The following TBC1D5 variants were observed in gnomAD, a reference collection of about 807,000 sequenced individuals.
The protein encoded by TBC1D5 is TBC1 domain family, member 5.
TBC1D5 carries 75 observed loss-of-function variants against 100.3 expected under a neutral mutation model. The observed-to-expected ratio is 0.75, with a 90% CI of 0.62 to 0.91. TBC1D5 has a LOEUF of 0.91. TBC1D5 is among the 40% of genes least tolerant of loss of function. The pLI is 0.00. For missense variants in TBC1D5, 910 were observed against 942.4 expected, an observed-to-expected ratio of 0.97 and a Z score of 0.45; for synonymous variants, 323 against 325.6, an observed-to-expected ratio of 0.99 and a Z score of 0.09.
chr3:17,488,663 T>C (rs2150482932), intron 3 of TBC1D5, among the ~76,000 whole-genome samples: 1 of 152,342 alleles, frequency 6.6e-6, no homozygotes, highest in African/African-American at 2.4e-5. Flanking sequence ...TTTAGGATCT[T>C]AATCCTGCAA....
chr3:17,356,697 GAACAGA>G, intron 13 of TBC1D5, among the ~76,000 whole-genome samples: 1 of 152,148 alleles, frequency 6.6e-6, no homozygotes, highest in Admixed American at 6.6e-5. Context: ...TGACCAACTA[GAACAGA>G]GTGAGCAGCA....
At chr3:17,516,119 A>C (rs957494029) in intron 2 of TBC1D5, among the ~76,000 whole-genome samples, 1 of 152,138 alleles carries the variant, frequency 6.6e-6, no homozygotes, top group Non-Finnish European at 1.5e-5. Context: ...TTTCCTCCTG[A>C]GGAGGCCTTT....
chr3:17,715,750 T>C (rs1468352951), intron 1 of TBC1D5, among the ~76,000 whole-genome samples: 2 of 151,884 alleles, frequency 1.3e-5, no homozygotes, highest in Non-Finnish European at 2.9e-5. Flanking sequence ...TACAGTGAGC[T>C]ATGATGGTAC....
chr3:17,320,239 G>A (rs1455567764), intron 13 of TBC1D5, among the ~76,000 whole-genome samples: 1 of 152,170 alleles, frequency 6.6e-6, no homozygotes, highest in African/African-American at 2.4e-5. Flanking sequence ...GGGGAATTTG[G>A]GAAAACTGTA....
At chr3:17,355,431 T>A (rs2091123238) in intron 13 of TBC1D5, among the ~76,000 whole-genome samples, 1 of 152,132 alleles carries the variant, frequency 6.6e-6, no homozygotes, top group African/African-American at 2.4e-5. Context: ...TGTCACTGGG[T>A]GAATTAGTAT....
At chr3:17,625,610 T>C (rs1218223645) in intron 1 of TBC1D5, among the ~76,000 whole-genome samples, 1 of 152,102 alleles carries the variant, frequency 6.6e-6, no homozygotes, top group African/African-American at 2.4e-5. Flanking sequence ...AACTATAACA[T>C]TTATGTAAAT....
chr3:17,689,294 C>T (rs2070750316), intron 1 of TBC1D5, among the ~76,000 whole-genome samples: 1 of 152,112 alleles, frequency 6.6e-6, no homozygotes, highest in Non-Finnish European at 1.5e-5. Context: ...AATCCCAGCA[C>T]TTTGGGAGGC....
intron 9 of TBC1D5, among the ~76,000 whole-genome samples, chr3:17,382,168 C>T (rs1559765597): frequency 6.6e-6 from 1 of 152,030 alleles, no homozygotes; most frequent in Non-Finnish European, 1.5e-5. Context: ...TGAACCTTTG[C>T]TTGGCACCAA....
intron 3 of TBC1D5, among the ~76,000 whole-genome samples, chr3:17,460,269 A>C (rs1381322654): frequency 6.6e-6 from 1 of 152,196 alleles, no homozygotes; most frequent in African/African-American, 2.4e-5. Context: ...GAAATTGATA[A>C]GGAAAATGCC....
chr3:17,543,875 T>C, intron 2 of TBC1D5, among the ~76,000 whole-genome samples: 1 of 151,662 alleles, frequency 6.6e-6, no homozygotes, highest in African/African-American at 2.4e-5. Context: ...TGTTTTTTTT[T>C]TCTTTTTTTT....
At chr3:17,348,645 C>T (rs985131935) in intron 13 of TBC1D5, among the ~76,000 whole-genome samples, 3 of 152,198 alleles carry the variant, frequency 2.0e-5, no homozygotes, top group African/African-American at 7.2e-5. Context: ...AATCTACTGG[C>T]CACAGTAGTT....
intron 3 of TBC1D5, among the ~76,000 whole-genome samples, chr3:17,467,790 A>C (rs2095325338): frequency 6.6e-6 from 1 of 152,086 alleles, no homozygotes. Flanking sequence ...CTAGCTACTC[A>C]AGAGACTGAG....
chr3:17,195,186 T>A (rs1410194489), intron 18 of TBC1D5, among the ~76,000 whole-genome samples: 1 of 152,232 alleles, frequency 6.6e-6, no homozygotes, highest in African/African-American at 2.4e-5. Context: ...ATGGCATTTG[T>A]GGAGAAATGC....
chr3:17,729,694 G>A (rs770244241), intron 1 of TBC1D5, among the ~76,000 whole-genome samples: 85 of 151,964 alleles, frequency 5.6e-4, no homozygotes, highest in Non-Finnish European at 4.6e-4. Context: ...GAGACAGAGC[G>A]AGACTGTCTC....
chr3:17,629,289 C>T (rs907631957), intron 1 of TBC1D5, among the ~76,000 whole-genome samples: 1 of 152,030 alleles, frequency 6.6e-6, no homozygotes, highest in Non-Finnish European at 1.5e-5. Context: ...ACATAAAATA[C>T]ATAATTGTTG....
chr3:17,294,006 C>T (rs548505901), intron 14 of TBC1D5, among the ~76,000 whole-genome samples: 1 of 152,220 alleles, frequency 6.6e-6, no homozygotes, highest in Admixed American at 6.5e-5. Flanking sequence ...GATTGGAAAC[C>T]CAAAAGTCTA....
intron 14 of TBC1D5, among the ~76,000 whole-genome samples, chr3:17,296,477 T>C (rs1311660973): frequency 1.3e-5 from 2 of 152,184 alleles, no homozygotes; most frequent in Admixed American, 6.5e-5. Context: ...CTTTCCTAAG[T>C]ACAAATGGCA....
At chr3:17,638,590 T>G (rs2064199096) in intron 1 of TBC1D5, among the ~76,000 whole-genome samples, 1 of 152,164 alleles carries the variant, frequency 6.6e-6, no homozygotes, top group African/African-American at 2.4e-5. Flanking sequence ...TTTCACCATC[T>G]TCACTTTTGT....
intron 13 of TBC1D5, among the ~76,000 whole-genome samples, chr3:17,315,886 G>A (rs772839838): frequency 1.2e-4 from 19 of 152,166 alleles, no homozygotes; most frequent in Non-Finnish European, 2.1e-4. Context: ...CCCCACTGAA[G>A]GCTGTAGGCA....
Sources: allele counts gnomAD v4.1 joint callset (sites outside exome capture counted in the v4.1 genomes callset), GRCh38; gene constraint gnomAD v4.1.1; transcripts MANE v1.5; gene names NCBI Gene and HGNC (gene_info 2026-07-23, HGNC 2026-07-21).